The following AGBL3 variants were observed in gnomAD, a reference collection of about 807,000 sequenced individuals.
AGBL3 encodes the protein AGBL carboxypeptidase 3, also known as cytosolic carboxypeptidase 3.
Under a neutral mutation model 94.5 loss-of-function variants are expected in AGBL3, and 68 were observed. That is an observed-to-expected ratio of 0.72 (90% CI 0.59 to 0.88). The LOEUF (loss-of-function observed/expected upper bound fraction) is 0.88. Among genes scored for constraint, AGBL3 ranks in the 40% least tolerant of loss-of-function variants. The pLI is 0.00. For synonymous variants in AGBL3, 354 were observed against 370.7 expected (o/e 0.95, Z 0.52); for missense variants, 934 against 1,103.8 (o/e 0.85, Z 2.18).
chr7:135,071,120 C>T (rs1015061773), intron 12 of AGBL3, among the ~76,000 whole-genome samples: 15 of 152,122 alleles, frequency 9.9e-5, no homozygotes, highest in African/African-American at 3.1e-4. Context: ...CTCCCATTCA[C>T]AACTGCTTCA....
Position 135,027,335 on chromosome 7 carries a change from T to C in AGBL3, c.419-5509T>C, listed in dbSNP as rs141050528. On this transcript the variant is annotated intron_variant, in intron 5 of 16. Transcript: ENST00000436302. ...AGTGCTAGGATTACAGGCGTGAGCC[T>C]CTGGCCTTTTATGGTCTATTTGAAA... Among the ~76,000 whole-genome samples the C allele has an allele frequency of 2.6e-3, 399 of 151,870 alleles. 3 individuals carry two copies. The highest frequency in any genetic ancestry group is 0.01 in the Middle Eastern group (3 of 294).
At chr7:135,031,031 T>A (rs1054310028) in intron 5 of AGBL3, among the ~76,000 whole-genome samples, 1 of 152,010 alleles carries the variant, frequency 6.6e-6, no homozygotes, top group Non-Finnish European at 1.5e-5. Context: ...TTTTTTGAGA[T>A]TTCTTATCTG....
At position 135,081,777 on chromosome 7, in the gene AGBL3, T is replaced by A; in HGVS notation, c.2097T>A (p.Pro699=). 1 of 1,536,086 alleles carries A rather than the reference T, an allele frequency of 6.5e-7. No individual in the cohort carries two copies. The highest frequency in any genetic ancestry group is 8.8e-7 in the Non-Finnish European group (1 of 1,136,488). Residue 699 remains proline, a synonymous_variant, in exon 15 of 17, where the codon CCT becomes CCA. Transcript: ENST00000436302. ...TTGATTATTTCAGAAGACAATTACC[T>A]AATCAAGGTTTGGGTGAGTAAAATA... ...YMVDYFRRQL[P]NQGLDLHHNL...
chr7:135,068,807 G>A (rs1819608157), intron 12 of AGBL3, among the ~76,000 whole-genome samples: 1 of 152,156 alleles, frequency 6.6e-6, no homozygotes, highest in Admixed American at 6.5e-5. Context: ...GACCATCGAT[G>A]CTAGGAAGAA....
At chr7:135,115,652 A>T in intron 16 of AGBL3, 41 bp downstream of exon 16, 4 of 1,404,812 alleles carry the variant, frequency 2.8e-6, no homozygotes, top group Non-Finnish European at 3.8e-6. Flanking sequence ...TATTTAACAC[A>T]TCTTTTTTAA....
At chr7:135,122,526 C>A (rs1585242344) in intron 16 of AGBL3, among the ~76,000 whole-genome samples, 1 of 152,196 alleles carries the variant, frequency 6.6e-6, no homozygotes, top group African/African-American at 2.4e-5. Flanking sequence ...ACCCCCCCAA[C>A]CAAGGGACAA....
chr7:135,045,721 G>C lies in AGBL3; in HGVS notation c.1729-78G>C, dbSNP rs929517561. ...TAATTTCCCAGTAACAATTGTTCCA[G>C]GTGTCTATAAATACTCAAATAGTTT... On this transcript the variant is annotated intron_variant, in intron 10 of 16. Coordinates refer to ENST00000436302, the MANE Select transcript of AGBL3 (RefSeq NM_178563.4). 20 of 1,331,942 alleles carry C rather than the reference G, an allele frequency of 1.5e-5. No individual in the cohort carries two copies. In the African/African-American group the frequency reaches 2.8e-4, roughly 19 times the overall value. 82.5% of individuals were successfully genotyped at this position (1,331,942 alleles called of 1,614,324 possible). A position where few individuals can be genotyped will look rare whatever the true frequency, so the allele number is the denominator to read the frequency against.
chr7:135,107,815 G>A (rs895267461), intron 15 of AGBL3, among the ~76,000 whole-genome samples: 1 of 152,004 alleles, frequency 6.6e-6, no homozygotes, highest in African/African-American at 2.4e-5. Flanking sequence ...GTGGAGTATT[G>A]AAGTCTCCCA....
chr7:135,034,910 C>T lies in AGBL3; in HGVS notation c.1319C>T (p.Thr440Ile). The T allele has an allele frequency of 2.2e-5, 34 of 1,522,180 alleles. No individual in the cohort carries two copies. The highest frequency in any genetic ancestry group is 2.9e-5 in the Non-Finnish European group (33 of 1,135,180). The allele number at this position is 1,522,180 out of a possible 1,614,324, so 94.3% of individuals were successfully genotyped here. A position where few individuals can be genotyped will look rare whatever the true frequency, so the allele number is the denominator to read the frequency against. Reference protein sequence around the residue: ...LKESFPSVWYTRNMVHRLMEK... With the variant: ...LKESFPSVWYIRNMVHRLMEK... Reference sequence around the variant, plus strand: ...GAATCTTTTCCTTCTGTATGGTATACCCGGAACATGGTTCATAGGTAAAAT... The same window carrying T: ...GAATCTTTTCCTTCTGTATGGTATATCCGGAACATGGTTCATAGGTAAAAT... Residue 440 changes from threonine to isoleucine, a missense_variant, in exon 7 of 17, where the codon ACC (threonine) becomes ATC (isoleucine). Thr to Ile is a moderately conservative substitution (Grantham distance 89, BLOSUM62 -1). Around this residue, in one of 3 missense-constraint regions of AGBL3, gnomAD observed 488 missense variants for 563.6 expected, o/e 0.87. Coordinates refer to ENST00000436302, the MANE Select transcript of AGBL3 (RefSeq NM_178563.4).
intron 3 of AGBL3, among the ~76,000 whole-genome samples, chr7:134,991,435 G>GT (rs146287470): frequency 0.068 from 10,341 of 151,782 alleles, 1,130 homozygotes; most frequent in African/African-American, 0.23. Flanking sequence ...AATTTTTTTT[G>GT]TTTGTTTTCT....
chr7:135,086,915 A>G (rs140331839), intron 15 of AGBL3, among the ~76,000 whole-genome samples: 1 of 152,188 alleles, frequency 6.6e-6, no homozygotes, highest in East Asian at 1.9e-4. Flanking sequence ...GAGTTTGAGA[A>G]GAACTGGTAT....
chr7:135,055,640 T>C (rs1288057547), intron 11 of AGBL3, among the ~76,000 whole-genome samples: 2 of 152,208 alleles, frequency 1.3e-5, no homozygotes, highest in Non-Finnish European at 2.9e-5. Flanking sequence ...TAATTCTTTT[T>C]ATTCCTTGTT....
intron 15 of AGBL3, among the ~76,000 whole-genome samples, chr7:135,107,938 T>A (rs778104011): frequency 6.6e-6 from 1 of 152,210 alleles, no homozygotes; most frequent in Non-Finnish European, 1.5e-5. Flanking sequence ...GTCTTCTTGT[T>A]GAATTGAGCC....
At chr7:134,992,784 A>G (rs1810458416) in intron 3 of AGBL3, among the ~76,000 whole-genome samples, 1 of 152,260 alleles carries the variant, frequency 6.6e-6, no homozygotes. Flanking sequence ...CTGTTGTACA[A>G]AAATAACCAA....
chr7:135,040,226 C>G (rs772604706), intron 8 of AGBL3, among the ~76,000 whole-genome samples: 7 of 152,128 alleles, frequency 4.6e-5, no homozygotes, highest in Non-Finnish European at 1.0e-4. Flanking sequence ...ATATCAAGAT[C>G]CAGTTGGATT....
intron 12 of AGBL3, among the ~76,000 whole-genome samples, chr7:135,071,145 C>T (rs994860679): frequency 6.6e-6 from 1 of 152,036 alleles, no homozygotes; most frequent in Non-Finnish European, 1.5e-5. Flanking sequence ...GAATAAAATA[C>T]CTAGGAATCC....
At chr7:134,996,507 T>C (rs1205515313) in intron 4 of AGBL3, among the ~76,000 whole-genome samples, 1 of 143,466 alleles carries the variant, frequency 7.0e-6, no homozygotes, top group Middle Eastern at 3.6e-3. Context: ...GAGGTAAAAA[T>C]AGAGCTTTTC....
chr7:135,112,801 T>A (rs1224683872), intron 15 of AGBL3, among the ~76,000 whole-genome samples: 1 of 152,054 alleles, frequency 6.6e-6, no homozygotes, highest in African/African-American at 2.4e-5. Context: ...TGAGATGGAG[T>A]ATTGATTGCT....
chr7:135,066,805 T>C (rs546103966), intron 12 of AGBL3, among the ~76,000 whole-genome samples: 1 of 152,162 alleles, frequency 6.6e-6, no homozygotes, highest in South Asian at 2.1e-4. Context: ...CAGTTCCCAG[T>C]GTGAGCGACG....
Sources: gnomAD v4.1 joint callset for allele counts (sites outside exome capture counted in the v4.1 genomes callset) on GRCh38, gnomAD v4.1.1 for gene constraint, gnomAD v4.1.1 regional missense constraint, MANE v1.5 for transcripts, NCBI Gene and HGNC (gene_info 2026-07-23, HGNC 2026-07-21) for gene names.